SCN8A: variants seen among roughly 807,000 people sequenced by gnomAD.
SCN8A encodes the protein sodium channel protein type 8 subunit alpha.
A neutral mutation model predicts 184.1 loss-of-function variants in SCN8A; 30 were observed. The observed-to-expected ratio is 0.16, with a 90% CI of 0.12 to 0.22. The LOEUF (loss-of-function observed/expected upper bound fraction) is 0.22, where lower values mean the gene tolerates loss of function less well. Ranked by LOEUF, SCN8A falls within the 10% of genes least tolerant of loss-of-function variation. The probability of loss-of-function intolerance (pLI) is 1.00; values close to 1 mark genes in which losing one functional copy is unlikely to be tolerated. For synonymous variants in SCN8A, 852 were observed against 907.0 expected, an observed-to-expected ratio of 0.94 and a Z score of 1.09; for missense variants, 1,057 against 2,498.9, an observed-to-expected ratio of 0.42 and a Z score of 12.30.
chr12:51,766,260 G>T, intron 16 of SCN8A: 1 of 563,300 alleles, frequency 1.8e-6, no homozygotes, highest in East Asian at 2.9e-5. Context: ...CCTAGAGTTA[G>T]GAAAGCAAAC....
intron 1 of SCN8A, among the ~76,000 whole-genome samples, chr12:51,639,340 A>G (rs949490578): frequency 6.6e-6 from 1 of 152,212 alleles, no homozygotes; most frequent in African/African-American, 2.4e-5. Flanking sequence ...ACAACAATAT[A>G]TTTAGAATAT....
Position 51,688,625 on chromosome 12 carries a change from T to A in SCN8A, c.615-380T>A, listed in dbSNP as rs1592380497. The A allele has an allele frequency of 2.0e-5, 13 of 657,870 alleles. No homozygotes were observed. The East Asian group carries it at 3.3e-4, about 17-fold the overall frequency. The allele number at this position is 657,870 out of a possible 1,614,324, so 40.8% of individuals were successfully genotyped here. A position where few individuals can be genotyped will look rare whatever the true frequency, so the allele number is the denominator to read the frequency against. ...TAAAAACAAATGTTCCTTAAATGTT[T>A]GTATTTTGAAGCTTTTCTTTTTCAA... On this transcript the variant is annotated intron_variant, in intron 5 of 26. Coordinates refer to ENST00000627620, the MANE Select transcript of SCN8A (RefSeq NM_001330260.2).
chr12:51,639,740 C>T (rs149042316), intron 1 of SCN8A, among the ~76,000 whole-genome samples: 1 of 151,800 alleles, frequency 6.6e-6, no homozygotes, highest in Non-Finnish European at 1.5e-5. Flanking sequence ...GCAACCACCA[C>T]CCTGATCAGT....
chr12:51,668,140 G>T (rs866049497), intron 2 of SCN8A, among the ~76,000 whole-genome samples: 2 of 148,858 alleles, frequency 1.3e-5, no homozygotes, highest in Middle Eastern at 3.5e-3. Context: ...CCGAGATCAC[G>T]CCATCGCACT....
At chr12:51,773,998 A>G (rs1316316609) in intron 19 of SCN8A, among the ~76,000 whole-genome samples, 191 bp from the exon 20 acceptor site, 1 of 152,208 alleles carries the variant, frequency 6.6e-6, no homozygotes, top group African/African-American at 2.4e-5. Flanking sequence ...GCTGAATTTT[A>G]TGATGTGTGG....
intron 1 of SCN8A, among the ~76,000 whole-genome samples, chr12:51,635,101 G>C (rs1940286737): frequency 6.6e-6 from 1 of 152,182 alleles, no homozygotes; most frequent in Admixed American, 6.5e-5. Context: ...AGACAGACTG[G>C]ATCAAACTGC....
At chr12:51,777,123 C>T (rs924777913) in intron 20 of SCN8A, among the ~76,000 whole-genome samples, 1 of 152,178 alleles carries the variant, frequency 6.6e-6, no homozygotes, top group Admixed American at 6.5e-5. Context: ...GCAGAGACTA[C>T]TTGCCTTGGC....
intron 7 of SCN8A, among the ~76,000 whole-genome samples, chr12:51,700,829 C>T (rs1252958094): frequency 6.6e-6 from 1 of 152,130 alleles, no homozygotes. Flanking sequence ...GGGTGTACAA[C>T]TCAGAAAACT....
At chr12:51,718,513 T>C (rs1467719858) in intron 11 of SCN8A, among the ~76,000 whole-genome samples, 1 of 150,944 alleles carries the variant, frequency 6.6e-6, no homozygotes, top group African/African-American at 2.4e-5. Flanking sequence ...ATTGTTGCCC[T>C]TGCAATACAT....
At chr12:51,677,411 T>G (rs1404083629) in intron 2 of SCN8A, among the ~76,000 whole-genome samples, 1 of 152,052 alleles carries the variant, frequency 6.6e-6, no homozygotes, top group Non-Finnish European at 1.5e-5. Context: ...TTTACACTTT[T>G]TGTGTGGCTA....
At chr12:51,706,316 T>C (rs965498722) in intron 10 of SCN8A, 106 bp from the exon 11 acceptor site, 4 of 1,135,846 alleles carry the variant, frequency 3.5e-6, no homozygotes, top group South Asian at 2.4e-5. Context: ...CCTCCTTTTT[T>C]CCTCCTTTCC....
At chr12:51,701,773 A>G (rs7965352) in intron 8 of SCN8A, among the ~76,000 whole-genome samples, 125,585 of 152,144 alleles carry the variant, frequency 0.83, 53,061 homozygotes, top group East Asian at 0.97. Context: ...TTACATGAAA[A>G]TGCTTTGTAA....
chr12:51,722,019 C>CGA, intron 12 of SCN8A, 111 bp downstream of exon 12: 2 of 1,569,576 alleles, frequency 1.3e-6, no homozygotes, highest in South Asian at 1.1e-5. Flanking sequence ...CCCTGCTCTG[C>CGA]CCATCCCACT....
chr12:51,803,560 C>T (rs1565932579), intron 26 of SCN8A, among the ~76,000 whole-genome samples: 1 of 152,086 alleles, frequency 6.6e-6, no homozygotes, highest in Non-Finnish European at 1.5e-5. Context: ...GGTGTTTCTA[C>T]TGCCTACATT....
rs926340477 is a variant in SCN8A at position 51,701,868 on chromosome 12, CA to C, written c.992+663del. On this transcript the variant is annotated intron_variant, in intron 8 of 26. Transcript: ENST00000627620. ...AAGAACTGGTGTTTTAACATGACCACAATGTCTAGAAATCCATTTAATTTCT... is the reference window on the plus strand; with the variant it reads ...AAGAACTGGTGTTTTAACATGACCACATGTCTAGAAATCCATTTAATTTCT... Among the ~76,000 whole-genome samples the C allele has an allele frequency of 1.8e-4, 27 of 152,232 alleles. 1 individual carries two copies. The highest frequency in any genetic ancestry group is 1.3e-3 in the Admixed American group (20 of 15,304).
chr12:51,794,763 T>G, intron 26 of SCN8A, 122 bp downstream of exon 26: 2 of 947,048 alleles, frequency 2.1e-6, no homozygotes, highest in Non-Finnish European at 3.1e-6. Flanking sequence ...CCTCATAGCT[T>G]AAGTCCATGT....
intron 14 of SCN8A, among the ~76,000 whole-genome samples, chr12:51,755,314 A>G (rs975568587): frequency 2.6e-5 from 4 of 152,204 alleles, no homozygotes; most frequent in Admixed American, 2.6e-4. Flanking sequence ...CTGAGTTACA[A>G]TCCATTTGAT....
rs1449828776 is a variant in SCN8A at position 51,591,359 on chromosome 12, C to G, written c.-55C>G. On this transcript the variant is annotated splice_region_variant and 5_prime_UTR_variant, in exon 1 of 27. Transcript: ENST00000627620. ...CTGCCTCCCTCGCCGCCGCCGCTGCCGTAAGTCGCCCCAGAGCCCCCGCCC... is the reference window on the plus strand; with the variant it reads ...CTGCCTCCCTCGCCGCCGCCGCTGCGGTAAGTCGCCCCAGAGCCCCCGCCC... 1 of 154,908 alleles carries G rather than the reference C, an allele frequency of 6.5e-6. No homozygotes were observed. Among genetic ancestry groups the G allele is most frequent in the Non-Finnish European group, 1.4e-5 (1 of 69,726 alleles). 9.6% of individuals were successfully genotyped at this position (154,908 alleles called of 1,614,324 possible). A position where few individuals can be genotyped will look rare whatever the true frequency, so the allele number is the denominator to read the frequency against.
At chr12:51,741,125 A>G (rs1942415100) in intron 12 of SCN8A, among the ~76,000 whole-genome samples, 1 of 152,132 alleles carries the variant, frequency 6.6e-6, no homozygotes, top group African/African-American at 2.4e-5. Flanking sequence ...TTTGCTTTAC[A>G]TATTTGGGTG....
Sources: allele counts gnomAD v4.1 joint callset (sites outside exome capture counted in the v4.1 genomes callset), GRCh38; gene constraint gnomAD v4.1.1; transcripts MANE v1.5; gene names NCBI Gene and HGNC (gene_info 2026-07-23, HGNC 2026-07-21).